The following ETV6 variants were observed in gnomAD, a reference collection of about 807,000 sequenced individuals.
The protein encoded by ETV6 is transcription factor ETV6.
ETV6 carries 16 observed loss-of-function variants against 51.1 expected under a neutral mutation model. That is an observed-to-expected ratio of 0.31 (90% CI 0.21 to 0.48). The LOEUF (loss-of-function observed/expected upper bound fraction) is 0.48, where lower values mean the gene tolerates loss of function less well. Among genes scored for constraint, ETV6 ranks in the 20% least tolerant of loss-of-function variants. The pLI, the probability that ETV6 is intolerant of heterozygous loss-of-function variation, is 0.99. For synonymous variants in ETV6, 240 were observed against 224.1 expected, an observed-to-expected ratio of 1.07 and a Z score of -0.64; for missense variants, 458 against 594.8, an observed-to-expected ratio of 0.77 and a Z score of 2.39.
At chr12:11,879,667 T>G (rs527477491) in intron 5 of ETV6, among the ~76,000 whole-genome samples, 32 of 152,338 alleles carry the variant, frequency 2.1e-4, no homozygotes, top group Non-Finnish European at 4.6e-4. Context: ...ATAGTGGAAA[T>G]TTCTTTAAAA....
chr12:11,680,650 C>T (rs1421211115), intron 1 of ETV6, among the ~76,000 whole-genome samples: 1 of 152,218 alleles, frequency 6.6e-6, no homozygotes, highest in East Asian at 1.9e-4. Context: ...CCCTATTTCA[C>T]CTTCAGGCAG....
chr12:11,860,959 G>T (rs956346780), intron 4 of ETV6, among the ~76,000 whole-genome samples: 1 of 152,150 alleles, frequency 6.6e-6, no homozygotes, highest in African/African-American at 2.4e-5. Context: ...TCTGCACTAT[G>T]ATTTCTGTGG....
At chr12:11,806,487 G>A (rs1945831234) in intron 2 of ETV6, among the ~76,000 whole-genome samples, 1 of 152,068 alleles carries the variant, frequency 6.6e-6, no homozygotes, top group Non-Finnish European at 1.5e-5. Flanking sequence ...GAGGAAGCAG[G>A]CACCAAGGAA....
chr12:11,869,813 G>A lies in ETV6; in HGVS notation c.853G>A (p.Val285Met), dbSNP rs376242225. ...TCTGATCCTGAACCCCCGGCACTCC[G>A]TGGATTTCAAACAGTCCAGGCTCTC... Reference protein sequence around the residue: ...HPLILNPRHSVDFKQSRLSED... With the variant: ...HPLILNPRHSMDFKQSRLSED... The change falls in exon 5 of 8, where the codon GTG becomes ATG. Residue 285 changes from valine to methionine, a missense_variant. Val to Met is a conservative substitution (Grantham distance 21, BLOSUM62 1). Transcript: ENST00000396373. This position sits in a 1 kb window ranked among gnomAD's most constrained non-coding sequence, Gnocchi z 5.0. The A allele has an allele frequency of 1.6e-5, 26 of 1,613,140 alleles. No homozygotes were observed. The highest frequency in any genetic ancestry group is 2.7e-5 in the African/African-American group (2 of 74,926).
intron 1 of ETV6, among the ~76,000 whole-genome samples, chr12:11,713,345 T>C (rs1865208556): frequency 1.3e-5 from 2 of 152,234 alleles, no homozygotes; most frequent in African/African-American, 2.4e-5. Context: ...CAAATTGAAC[T>C]CTCCTTCAGC....
intron 3 of ETV6, 139 bp from the exon 4 acceptor site, chr12:11,853,288 G>A (rs1364814270): frequency 1.7e-5 from 15 of 865,638 alleles, no homozygotes; most frequent in African/African-American, 5.0e-5. Flanking sequence ...TGCCCCATGA[G>A]CTTGGTGAGG....
At chr12:11,866,610 GT>G (rs1422060991) in intron 4 of ETV6, among the ~76,000 whole-genome samples, 1 of 152,104 alleles carries the variant, frequency 6.6e-6, no homozygotes, top group South Asian at 2.1e-4. Flanking sequence ...AGATCCCCTT[GT>G]CCTAGGGTTT....
rs144398359 is a variant in ETV6 at position 11,823,540 on chromosome 12, C to T, written c.164-15600C>T. On this transcript the variant is annotated intron_variant, in intron 2 of 7. Coordinates refer to ENST00000396373, the MANE Select transcript of ETV6 (RefSeq NM_001987.5). ...GGAGTGCGGTGGTACGATCTCTGCT[C>T]ACTGCAACCTCTGCCTCCCAGGTGG... is the stretch of plus-strand genomic sequence containing the variant. Among the ~76,000 whole-genome samples, 4 of 149,618 alleles carry T rather than the reference C, an allele frequency of 2.7e-5. No homozygotes were observed. The East Asian group carries it at 7.9e-4, about 29-fold the overall frequency.
intron 3 of ETV6, chr12:11,840,651 C>T (rs960831498): frequency 1.4e-5 from 5 of 359,172 alleles, no homozygotes; most frequent in Non-Finnish European, 2.2e-5. Flanking sequence ...CACTGTTCTT[C>T]CCAGTTGCCA....
At chr12:11,791,510 C>T (rs1296804211) in intron 2 of ETV6, among the ~76,000 whole-genome samples, 1 of 152,200 alleles carries the variant, frequency 6.6e-6, no homozygotes, top group Non-Finnish European at 1.5e-5. Context: ...ACTTGAGTCA[C>T]ACGTGTGGCC....
At chr12:11,750,525 A>G (rs1178334904) in intron 1 of ETV6, among the ~76,000 whole-genome samples, 1 of 152,194 alleles carries the variant, frequency 6.6e-6, no homozygotes, top group Non-Finnish European at 1.5e-5. Context: ...GCACTCATGA[A>G]GCACCATTTG....
intron 4 of ETV6, among the ~76,000 whole-genome samples, chr12:11,866,093 TTTTC>T (rs1338381406): frequency 2.0e-5 from 3 of 152,220 alleles, no homozygotes; most frequent in Admixed American, 6.5e-5. Context: ...TGTCTTCAAA[TTTTC>T]TAACCCTTTC....
rs551939131 is a variant in ETV6 at position 11,688,451 on chromosome 12, T to C, written c.33+38291T>C. Among the ~76,000 whole-genome samples the C allele has an allele frequency of 5.9e-5, 9 of 152,316 alleles. No individual in the cohort carries two copies. In the East Asian group the frequency reaches 1.7e-3, roughly 29 times the overall value. On this transcript the variant is annotated intron_variant, in intron 1 of 7. Coordinates refer to ENST00000396373, the MANE Select transcript of ETV6 (RefSeq NM_001987.5). Reference sequence around the variant, plus strand: ...TCGTGGCTGTCTAGTGGTTTGATTTTCCATTAGCCCTTTCTCCCTTGGCCT... The same window carrying C: ...TCGTGGCTGTCTAGTGGTTTGATTTCCCATTAGCCCTTTCTCCCTTGGCCT...
chr12:11,850,558 GGTA>G (rs1332031463), intron 3 of ETV6, among the ~76,000 whole-genome samples: 2 of 125,764 alleles, frequency 1.6e-5, no homozygotes, highest in Admixed American at 7.9e-5. Flanking sequence ...TGGTGGTGGT[GGTA>G]GTGGTGGTGG....
chr12:11,842,407 T>TAC (rs6144615), intron 3 of ETV6, among the ~76,000 whole-genome samples: 6,807 of 147,860 alleles, frequency 0.046, 171 homozygotes, highest in African/African-American at 0.055. Context: ...TTGACACAGA[T>TAC]ACACACACAC....
intron 1 of ETV6, among the ~76,000 whole-genome samples, chr12:11,735,874 A>G (rs746510848): frequency 8.5e-5 from 13 of 152,244 alleles, no homozygotes; most frequent in Admixed American, 6.5e-5. Context: ...TGCGGGGATT[A>G]CAGGCGTGAA....
intron 1 of ETV6, among the ~76,000 whole-genome samples, chr12:11,665,684 G>A (rs1864181055): frequency 6.6e-6 from 1 of 152,192 alleles, no homozygotes; most frequent in Non-Finnish European, 1.5e-5. Context: ...TCACACAGTT[G>A]ACATCCTGAG....
Position 11,893,092 on chromosome 12 carries a change from TG to T in ETV6, c.*2047del, listed in dbSNP as rs369218546. On this transcript the variant is annotated 3_prime_UTR_variant, in exon 8 of 8. Transcript: ENST00000396373. Reference sequence around the variant, plus strand: ...CTGCTGGATCTCAGCACGCTGCAGGTGTCTTTTGAGAGCATTCAGTAGGACA... The same window carrying T: ...CTGCTGGATCTCAGCACGCTGCAGGTTCTTTTGAGAGCATTCAGTAGGACA... 2.1e-5 allele frequency: 5 copies of T among 232,744 alleles called. No individual in the cohort carries two copies. The highest frequency in any genetic ancestry group is 1.1e-4 in the African/African-American group (5 of 45,304). 14.4% of individuals were successfully genotyped at this position (232,744 alleles called of 1,614,324 possible). A position where few individuals can be genotyped will look rare whatever the true frequency, so the allele number is the denominator to read the frequency against.
intron 4 of ETV6, among the ~76,000 whole-genome samples, chr12:11,864,691 A>G (rs749822445): frequency 4.6e-5 from 7 of 152,220 alleles, no homozygotes; most frequent in African/African-American, 1.4e-4. Flanking sequence ...CATTTGGGTT[A>G]AAGTGAGGAA....
Sources: allele counts gnomAD v4.1 joint callset (sites outside exome capture counted in the v4.1 genomes callset), GRCh38; gene constraint gnomAD v4.1.1; non-coding constraint Gnocchi (gnomAD v3.1); transcripts MANE v1.5; gene names NCBI Gene and HGNC (gene_info 2026-07-23, HGNC 2026-07-21).